Variants in ZNF600 observed in about 807,000 individuals in gnomAD.
ZNF600 encodes zinc finger protein KR-ZNF1.
Under a neutral mutation model 7.3 loss-of-function variants are expected in ZNF600, and 4 were observed. The observed-to-expected ratio is 0.55, with a 90% CI of 0.27 to 1.25. The LOEUF (loss-of-function observed/expected upper bound fraction) is 1.25, where lower values mean the gene tolerates loss of function less well. Ranked by LOEUF, ZNF600 falls within the 50% of genes most tolerant of loss-of-function variation. The pLI is 0.12. For missense variants in ZNF600, 911 were observed against 922.1 expected (o/e 0.99, Z 0.16); for synonymous variants, 290 against 308.9 (o/e 0.94, Z 0.64).
the ZNF600 span, among the ~76,000 whole-genome samples, chr19:52,810,949 G>C: frequency 7.7e-6 from 1 of 129,732 alleles, no homozygotes; most frequent in African/African-American, 2.9e-5. Flanking sequence ...AGCCAAAGCT[G>C]GACGGTACTG....
the ZNF600 span, chr19:52,809,932 G>A: frequency 1.5e-4 from 131 of 861,950 alleles, 1 homozygote; most frequent in Middle Eastern, 1.7e-3. Flanking sequence ...GGGGAGGCCG[G>A]GGAGGTTGCC....
chr19:52,827,920 G>C, the ZNF600 span, among the ~76,000 whole-genome samples: 2 of 152,082 alleles, frequency 1.3e-5, no homozygotes, highest in African/African-American at 2.4e-5. Context: ...GTGTCACGCA[G>C]GACGCTTCAG....
the ZNF600 span, among the ~76,000 whole-genome samples, chr19:52,812,762 TAAAAAAAA>T: frequency 1.3e-3 from 97 of 75,430 alleles, 1 homozygote; most frequent in Middle Eastern, 0.023. Flanking sequence ...GAATGATCAA[TAAAAAAAA>T]AAAAAAAAAA....
chr19:52,801,215 C>T, the ZNF600 span: 1 of 1,614,140 alleles, frequency 6.2e-7, no homozygotes, highest in Non-Finnish European at 8.5e-7. Flanking sequence ...ATTTTTCTCT[C>T]ATGTGTACAT....
At chr19:52,817,620 G>A in the ZNF600 span, among the ~76,000 whole-genome samples, 1 of 152,032 alleles carries the variant, frequency 6.6e-6, no homozygotes. Context: ...TCCACAGAGA[G>A]CTGACAGTGC....
chr19:52,766,468 G>C (rs371571568), exon 4 of ZNF600: 1 of 1,613,448 alleles, frequency 6.2e-7, no homozygotes, highest in Admixed American at 1.7e-5. Context: ...TTATGAATTA[G>C]AAGATCTGAA....
chr19:52,829,710 C>T, the ZNF600 span, among the ~76,000 whole-genome samples: 1 of 151,560 alleles, frequency 6.6e-6, no homozygotes, highest in African/African-American at 2.4e-5. Context: ...CGAGGATTCA[C>T]CATGTTGGAC....
the ZNF600 span, chr19:52,800,958 T>G: frequency 1.5e-5 from 24 of 1,614,070 alleles, no homozygotes; most frequent in Admixed American, 4.0e-4. Context: ...ATAAGGTTTG[T>G]CTGCAGTATG....
the ZNF600 span, chr19:52,798,192 G>GCTCC: frequency 6.4e-6 from 1 of 157,106 alleles, no homozygotes; most frequent in East Asian, 1.9e-4. Flanking sequence ...GGGAAAAGTG[G>GCTCC]CTCCCGTCTG....
chr19:52,820,322 T>A, the ZNF600 span, among the ~76,000 whole-genome samples: 1 of 135,694 alleles, frequency 7.4e-6, no homozygotes, highest in Non-Finnish European at 1.5e-5. Context: ...TTTCACCTTG[T>A]TAGCCAGGAT....
At chr19:52,787,365 C>T (rs907311512), upstream of ZNF600, among the ~76,000 whole-genome samples, 3 of 151,122 alleles carry the variant, frequency 2.0e-5, no homozygotes, top group Admixed American at 1.3e-4. Context: ...CCCCTAACTG[C>T]AGGGTCCTCT....
At chr19:52,773,566 G>A (rs1335762874) in intron 3 of ZNF600, among the ~76,000 whole-genome samples, 1 of 152,116 alleles carries the variant, frequency 6.6e-6, no homozygotes, top group South Asian at 2.1e-4. Flanking sequence ...AGTAGGTAGA[G>A]ATGTGTTTGT....
chr19:52,811,018 T>C, the ZNF600 span, among the ~76,000 whole-genome samples: 1 of 139,178 alleles, frequency 7.2e-6, no homozygotes, highest in Admixed American at 7.1e-5. Context: ...GCCTGCCGAG[T>C]GCCTGCGATT....
At chr19:52,818,014 A>G in the ZNF600 span, 4 of 1,608,114 alleles carry the variant, frequency 2.5e-6, no homozygotes, top group Admixed American at 6.7e-5. Flanking sequence ...ACGTACCAAG[A>G]TTCTTTAGAA....
the ZNF600 span, chr19:52,809,839 G>T: frequency 2.1e-5 from 12 of 566,314 alleles, no homozygotes; most frequent in Non-Finnish European, 3.7e-5. Context: ...GGCGGCGGCG[G>T]TGGCGGTGGT....
At chr19:52,777,363 C>T (rs895200327) in intron 2 of ZNF600, among the ~76,000 whole-genome samples, 3 of 151,990 alleles carry the variant, frequency 2.0e-5, no homozygotes, top group Admixed American at 6.6e-5. Context: ...GGCAACGGAG[C>T]GAGACTCCAT....
exon 4 of ZNF600, chr19:52,766,309 A>C (rs759618167): frequency 1.2e-6 from 2 of 1,614,158 alleles, no homozygotes; most frequent in Admixed American, 3.3e-5. Flanking sequence ...GCCAGATAGG[A>C]ATGACACGCA....
the ZNF600 span, among the ~76,000 whole-genome samples, chr19:52,796,211 G>A: frequency 6.6e-6 from 1 of 152,098 alleles, no homozygotes; most frequent in East Asian, 1.9e-4. Context: ...ATGCGTCCTG[G>A]GTCTGGGGAC....
At chr19:52,813,249 G>GAAAAAAAAAAAAAAAAAAAAAA in the ZNF600 span, among the ~76,000 whole-genome samples, 2 of 62,988 alleles carry the variant, frequency 3.2e-5, no homozygotes, top group African/African-American at 1.2e-4. Flanking sequence ...CTTGAATGGT[G>GAAAAAAAAAAAAAAAAAAAAAA]AAAAAAAAAA....
Sources: gnomAD v4.1 joint callset for allele counts (sites outside exome capture counted in the v4.1 genomes callset) on GRCh38, gnomAD v4.1.1 for gene constraint, MANE v1.5 for transcripts, NCBI Gene and HGNC (gene_info 2026-07-23, HGNC 2026-07-21) for gene names.